CNGB3: variants seen among roughly 807,000 people sequenced by gnomAD.
CNGB3 encodes the protein cyclic nucleotide gated channel subunit beta 3.
Under a neutral mutation model 92.8 loss-of-function variants are expected in CNGB3, and 86 were observed. The observed-to-expected ratio is 0.93, with a 90% CI of 0.78 to 1.11. The LOEUF is 1.11. Ranked by LOEUF, CNGB3 falls within the 50% of genes least tolerant of loss-of-function variation. CNGB3 has a pLI of 0.00. For synonymous variants in CNGB3, 333 were observed against 332.7 expected, an observed-to-expected ratio of 1.00 and a Z score of -0.01; for missense variants, 1,026 against 956.8, an observed-to-expected ratio of 1.07 and a Z score of -0.95.
intron 15 of CNGB3, among the ~76,000 whole-genome samples, chr8:86,590,487 C>G (rs1822003963): frequency 1.3e-5 from 2 of 152,222 alleles, no homozygotes; most frequent in Admixed American, 6.5e-5. Context: ...CCAGTTCTTC[C>G]TTTCCATGTT....
intron 15 of CNGB3, among the ~76,000 whole-genome samples, 186 bp downstream of exon 15, chr8:86,603,907 C>G (rs1172075713): frequency 6.6e-6 from 1 of 152,180 alleles, no homozygotes; most frequent in African/African-American, 2.4e-5. Flanking sequence ...AGCTGAATGA[C>G]CCAGTTCTTT....
intron 13 of CNGB3, among the ~76,000 whole-genome samples, chr8:86,613,043 G>A (rs1822550431): frequency 6.6e-6 from 1 of 152,150 alleles, no homozygotes; most frequent in South Asian, 2.1e-4. Context: ...TTTTGCTTGG[G>A]AGTGGGATGG....
At chr8:86,697,387 C>A (rs1284255528) in intron 3 of CNGB3, among the ~76,000 whole-genome samples, 1 of 152,066 alleles carries the variant, frequency 6.6e-6, no homozygotes, top group Non-Finnish European at 1.5e-5. Context: ...AATATAGATT[C>A]TGTAGTTATA....
chr8:86,657,161 G>A (rs1040374827), intron 6 of CNGB3, among the ~76,000 whole-genome samples: 5 of 152,180 alleles, frequency 3.3e-5, no homozygotes, highest in African/African-American at 1.2e-4. Flanking sequence ...AACCCTATGA[G>A]CCTCTGGCTC....
chr8:86,612,295 G>A (rs921479025), intron 13 of CNGB3, among the ~76,000 whole-genome samples: 1 of 152,036 alleles, frequency 6.6e-6, no homozygotes, highest in African/African-American at 2.4e-5. Flanking sequence ...GTCTGTATTT[G>A]TCATCTGTTT....
chr8:86,708,296 G>A (rs923542622), intron 3 of CNGB3, among the ~76,000 whole-genome samples: 2 of 152,102 alleles, frequency 1.3e-5, no homozygotes, highest in Admixed American at 6.6e-5. Context: ...GGAAGAGAGT[G>A]GCCAGTGAGG....
chr8:86,598,782 C>T (rs551351749), intron 15 of CNGB3, among the ~76,000 whole-genome samples: 6 of 152,178 alleles, frequency 3.9e-5, no homozygotes, highest in Admixed American at 3.9e-4. Context: ...GAAAAAGAAC[C>T]CTCTTTGTCA....
chr8:86,737,956 T>C (rs1225497236), intron 2 of CNGB3, among the ~76,000 whole-genome samples: 1 of 152,212 alleles, frequency 6.6e-6, no homozygotes, highest in Non-Finnish European at 1.5e-5. Context: ...ATTTATAATC[T>C]TCTTGTAATT....
intron 15 of CNGB3, among the ~76,000 whole-genome samples, chr8:86,588,980 G>C (rs1026943184): frequency 6.6e-6 from 1 of 152,062 alleles, no homozygotes; most frequent in Non-Finnish European, 1.5e-5. Flanking sequence ...GACTCTTTTT[G>C]GTTGTTAAGC....
At chr8:86,693,861 G>C (rs539361498) in intron 3 of CNGB3, among the ~76,000 whole-genome samples, 19 of 152,050 alleles carry the variant, frequency 1.2e-4, no homozygotes, top group Non-Finnish European at 2.6e-4. Flanking sequence ...ACACAGACAC[G>C]GCAACCATCC....
chr8:86,698,576 A>G (rs1824493111), intron 3 of CNGB3, among the ~76,000 whole-genome samples: 1 of 152,232 alleles, frequency 6.6e-6, no homozygotes, highest in Non-Finnish European at 1.5e-5. Flanking sequence ...TCATCCCACA[A>G]TTAGAATCAG....
At chr8:86,729,041 G>A (rs148925454) in intron 2 of CNGB3, among the ~76,000 whole-genome samples, 3 of 152,128 alleles carry the variant, frequency 2.0e-5, no homozygotes, top group East Asian at 1.9e-4. Context: ...CTCACGGATC[G>A]CTGGAACTAC....
At chr8:86,730,937 T>A (rs2131675718) in intron 2 of CNGB3, among the ~76,000 whole-genome samples, 1 of 152,312 alleles carries the variant, frequency 6.6e-6, no homozygotes, top group South Asian at 2.1e-4. Flanking sequence ...TAAAAACATG[T>A]GATCTGTAAG....
chr8:86,683,423 A>G (rs1203612110), intron 3 of CNGB3, among the ~76,000 whole-genome samples: 1 of 152,154 alleles, frequency 6.6e-6, no homozygotes, highest in East Asian at 1.9e-4. Flanking sequence ...GATAATGGAA[A>G]TGTCTATTAG....
chr8:86,729,101 G>A (rs1825116657), intron 2 of CNGB3, among the ~76,000 whole-genome samples: 1 of 152,042 alleles, frequency 6.6e-6, no homozygotes, highest in African/African-American at 2.4e-5. Flanking sequence ...TGTCGAGATG[G>A]GGTTTTGCCA....
At position 86,658,431 on chromosome 8, in the gene CNGB3, A is replaced by C. The variant is rs1477782388; in HGVS notation, c.853-4369T>G. On this transcript the variant is annotated intron_variant, in intron 6 of 17. Transcript: ENST00000320005. ...CTACTTCTGCTGGCTGGTAGCTTCC[A>C]GGTGCTCCTGGGTCTCCTGCAACCC... 9 of 423,168 alleles carry C rather than the reference A, an allele frequency of 2.1e-5. No individual in the cohort carries two copies. The Admixed American group carries it at 2.7e-4, about 12-fold the overall frequency. The allele number at this position is 423,168 out of a possible 1,614,324, so 26.2% of individuals were successfully genotyped here.
intron 7 of CNGB3, 51 bp from the exon 8 acceptor site, chr8:86,647,938 G>C (rs376948149): frequency 2.5e-5 from 26 of 1,051,976 alleles, no homozygotes; most frequent in Admixed American, 1.2e-4. Context: ...GCCTTTCTGG[G>C]AATGGATGGA....
intron 6 of CNGB3, chr8:86,661,429 T>G (rs1489324088): frequency 2.0e-6 from 1 of 489,714 alleles, no homozygotes; most frequent in African/African-American, 2.0e-5. Flanking sequence ...GCAGACCTGT[T>G]TTATGTTTTA....
At chr8:86,599,534 A>C (rs550148285) in intron 15 of CNGB3, among the ~76,000 whole-genome samples, 1 of 152,280 alleles carries the variant, frequency 6.6e-6, no homozygotes, top group Non-Finnish European at 1.5e-5. Flanking sequence ...AAATGGGAGA[A>C]ATATTGATGA....
Sources: gnomAD v4.1 joint callset for allele counts (sites outside exome capture counted in the v4.1 genomes callset) on GRCh38, gnomAD v4.1.1 for gene constraint, MANE v1.5 for transcripts, NCBI Gene and HGNC (gene_info 2026-07-23, HGNC 2026-07-21) for gene names.